Variants in GLIS3 observed in about 807,000 individuals in gnomAD.
GLIS3 encodes the protein GLIS family zinc finger 3.
GLIS3 carries 53 observed loss-of-function variants against 78.6 expected under a neutral mutation model. The ratio of observed to expected loss-of-function variants is 0.67; its 90% confidence interval spans 0.54 to 0.85. GLIS3 has a LOEUF of 0.85. Ranked by LOEUF, GLIS3 falls within the 40% of genes least tolerant of loss-of-function variation. GLIS3 has a pLI of 0.00. For synonymous variants in GLIS3, 684 were observed against 509.9 expected (o/e 1.34, Z -4.60); for missense variants, 1,703 against 1,231.1 (o/e 1.38, Z -5.74).
chr9:4,218,239 C>A (rs191706085), intron 2 of GLIS3, among the ~76,000 whole-genome samples: 5 of 152,316 alleles, frequency 3.3e-5, no homozygotes, highest in African/African-American at 1.2e-4. Context: ...TTTACTTCTC[C>A]CCATCTCCAC....
At chr9:4,083,994 G>A (rs976002022) in intron 4 of GLIS3, among the ~76,000 whole-genome samples, 1 of 152,124 alleles carries the variant, frequency 6.6e-6, no homozygotes, top group Non-Finnish European at 1.5e-5. Flanking sequence ...ATGACTTCCT[G>A]CCTCTCTCCA....
intron 6 of GLIS3, among the ~76,000 whole-genome samples, chr9:3,920,735 G>T (rs1824831466): frequency 6.6e-6 from 1 of 150,894 alleles, no homozygotes; most frequent in African/African-American, 2.4e-5. Flanking sequence ...GAAATGAAAT[G>T]TCAAGGATGT....
chr9:4,457,521 A>G, the GLIS3 span, among the ~76,000 whole-genome samples: 22 of 152,034 alleles, frequency 1.4e-4, no homozygotes, highest in African/African-American at 4.1e-4. Context: ...GGACACATAC[A>G]TCTTTGGGCC....
At chr9:3,855,177 A>G (rs1819686241) in intron 9 of GLIS3, among the ~76,000 whole-genome samples, 1 of 152,244 alleles carries the variant, frequency 6.6e-6, no homozygotes, top group Admixed American at 6.5e-5. Context: ...TCACTAAGAT[A>G]CGTGCCTGAA....
intron 4 of GLIS3, among the ~76,000 whole-genome samples, chr9:3,971,017 A>G (rs937776058): frequency 6.6e-6 from 1 of 151,794 alleles, no homozygotes; most frequent in Admixed American, 6.6e-5. Flanking sequence ...GAAGGAAGGA[A>G]GGGAGGATCG....
intron 3 of GLIS3, among the ~76,000 whole-genome samples, chr9:4,121,379 T>C (rs1414295112): frequency 2.0e-5 from 3 of 152,214 alleles, no homozygotes; most frequent in Non-Finnish European, 4.4e-5. Flanking sequence ...GAAGGGATCA[T>C]TTTTATCTTC....
intron 4 of GLIS3, among the ~76,000 whole-genome samples, chr9:3,974,955 T>C (rs910803181): frequency 2.0e-5 from 3 of 151,982 alleles, no homozygotes; most frequent in East Asian, 1.9e-4. Flanking sequence ...AGAAACGTGA[T>C]AAGGCACATG....
chr9:4,273,404 G>C (rs557149737), intron 2 of GLIS3, among the ~76,000 whole-genome samples: 2 of 152,092 alleles, frequency 1.3e-5, no homozygotes, highest in South Asian at 4.1e-4. Context: ...AGACCAGCCT[G>C]GAAAACACAG....
the GLIS3 span, among the ~76,000 whole-genome samples, chr9:4,401,303 A>G: frequency 6.6e-6 from 1 of 152,166 alleles, no homozygotes; most frequent in Admixed American, 6.5e-5. Context: ...CTTGTTGCCC[A>G]GGCTGGAGTG....
intron 2 of GLIS3, among the ~76,000 whole-genome samples, chr9:4,166,761 C>T (rs557509019): frequency 1.3e-5 from 2 of 152,370 alleles, no homozygotes; most frequent in African/African-American, 4.8e-5. Flanking sequence ...AGAGGGTCTT[C>T]AGTCTCATGT....
intron 6 of GLIS3, among the ~76,000 whole-genome samples, chr9:3,926,799 A>G (rs1004326657): frequency 2.0e-5 from 3 of 151,448 alleles, no homozygotes; most frequent in Non-Finnish European, 4.4e-5. Flanking sequence ...ATTTTTTTGT[A>G]TTTTTAGTAG....
intron 1 of GLIS3, among the ~76,000 whole-genome samples, chr9:4,292,263 T>G (rs141999654): frequency 1.9e-3 from 294 of 152,282 alleles, no homozygotes; most frequent in African/African-American, 6.9e-3. Context: ...ACTACTAGAA[T>G]AAAATAGAAG....
chr9:3,915,436 C>G (rs10974127), intron 6 of GLIS3, among the ~76,000 whole-genome samples: 2 of 151,930 alleles, frequency 1.3e-5, no homozygotes, highest in Admixed American at 6.6e-5. Context: ...CTTGGTGGTT[C>G]TGACAGAATG....
chr9:4,193,886 C>T (rs1818556743), intron 2 of GLIS3, among the ~76,000 whole-genome samples: 1 of 152,184 alleles, frequency 6.6e-6, no homozygotes, highest in South Asian at 2.1e-4. Flanking sequence ...GACTTTGTTT[C>T]CCTGGCTGAC....
intron 7 of GLIS3, among the ~76,000 whole-genome samples, chr9:3,881,576 T>C (rs1042897158): frequency 6.6e-6 from 1 of 152,192 alleles, no homozygotes; most frequent in Non-Finnish European, 1.5e-5. Context: ...GGATTGTTTG[T>C]AGCCTGCCAC....
At chr9:3,878,398 A>G (rs1588139217) in intron 8 of GLIS3, among the ~76,000 whole-genome samples, 1 of 152,356 alleles carries the variant, frequency 6.6e-6, no homozygotes, top group East Asian at 1.9e-4. Context: ...TTCAACGGAC[A>G]TTCATTAAAC....
chr9:4,222,719 G>A (rs1401677233), intron 2 of GLIS3, among the ~76,000 whole-genome samples: 4 of 152,224 alleles, frequency 2.6e-5, no homozygotes, highest in Non-Finnish European at 4.4e-5. Flanking sequence ...GATATGGGCA[G>A]CACCAAGTCC....
At chr9:4,102,963 A>T (rs1370826648) in intron 4 of GLIS3, among the ~76,000 whole-genome samples, 2 of 152,098 alleles carry the variant, frequency 1.3e-5, no homozygotes, top group Non-Finnish European at 2.9e-5. Context: ...GAAAGGAAAA[A>T]TACATGTAAA....
In GLIS3 at chr9:3,947,771, TA is replaced by T. The variant is rs538074245; in HGVS notation, c.1711-10583del. Reference sequence around the variant, plus strand: ...TGCAAGTGGGCAGGAAAGATGGGATTAAAAAATTATATCTTAAGCCTTTTCA... The same window carrying T: ...TGCAAGTGGGCAGGAAAGATGGGATTAAAAATTATATCTTAAGCCTTTTCA... On this transcript the variant is annotated intron_variant, in intron 4 of 10. Coordinates refer to ENST00000381971, the MANE Select transcript of GLIS3 (RefSeq NM_001042413.2). 2.0e-4 allele frequency among the ~76,000 whole-genome samples: 30 copies of T among 152,304 alleles called. 2 individuals carry two copies. In the South Asian group the frequency reaches 5.0e-3, roughly 25 times the overall value.
Sources: gnomAD v4.1 joint callset for allele counts (sites outside exome capture counted in the v4.1 genomes callset) on GRCh38, gnomAD v4.1.1 for gene constraint, MANE v1.5 for transcripts, NCBI Gene and HGNC (gene_info 2026-07-23, HGNC 2026-07-21) for gene names.